PKIA: variants seen among roughly 807,000 people sequenced by gnomAD.
The protein encoded by PKIA is cAMP-dependent protein kinase inhibitor alpha.
PKIA carries 4 observed loss-of-function variants against 7.6 expected under a neutral mutation model. That is an observed-to-expected ratio of 0.52 (90% CI 0.26 to 1.20). The LOEUF is 1.20. PKIA is among the 50% of genes most tolerant of loss of function. PKIA has a pLI of 0.13. For missense variants in PKIA, 73 were observed against 86.2 expected, an observed-to-expected ratio of 0.85 and a Z score of 0.61; for synonymous variants, 21 against 30.7, an observed-to-expected ratio of 0.68 and a Z score of 1.04.
At chr8:78,589,809 T>C (rs2130246243) in intron 2 of PKIA, among the ~76,000 whole-genome samples, 1 of 152,352 alleles carries the variant, frequency 6.6e-6, no homozygotes, top group East Asian at 1.9e-4. Context: ...TTAATATTCA[T>C]GTGATGAAAT....
chr8:78,537,572 C>T (rs1806562163), intron 1 of PKIA, among the ~76,000 whole-genome samples: 1 of 150,256 alleles, frequency 6.7e-6, no homozygotes, highest in African/African-American at 2.5e-5. Flanking sequence ...ACTTTATTTC[C>T]CAACCCCCTC....
At chr8:78,567,962 C>T (rs1807457431) in intron 1 of PKIA, among the ~76,000 whole-genome samples, 1 of 152,212 alleles carries the variant, frequency 6.6e-6, no homozygotes, top group East Asian at 1.9e-4. Flanking sequence ...TGGTCTACTT[C>T]CATCTTTTAT....
At chr8:78,570,742 C>A (rs1336338209) in intron 1 of PKIA, among the ~76,000 whole-genome samples, 1 of 151,980 alleles carries the variant, frequency 6.6e-6, no homozygotes, top group African/African-American at 2.4e-5. Flanking sequence ...TTTTTTACAC[C>A]CCTCTAAGCA....
chr8:78,526,238 T>C (rs1809541389), intron 1 of PKIA, among the ~76,000 whole-genome samples: 1 of 152,032 alleles, frequency 6.6e-6, no homozygotes, highest in Non-Finnish European at 1.5e-5. Context: ...CAGGAGAGGT[T>C]GGGTCCACTG....
chr8:78,568,030 TG>T (rs1210064076), intron 1 of PKIA, among the ~76,000 whole-genome samples: 6 of 152,158 alleles, frequency 3.9e-5, no homozygotes, highest in Non-Finnish European at 8.8e-5. Context: ...GTTCCTTTAC[TG>T]GGGAGTGGTA....
intron 1 of PKIA, among the ~76,000 whole-genome samples, chr8:78,546,106 A>C (rs78810488): frequency 0.044 from 6,768 of 152,266 alleles, 447 homozygotes; most frequent in African/African-American, 0.14. Flanking sequence ...GAGTGAATGA[A>C]ATCCATGGCT....
At chr8:78,535,299 A>G (rs1806494081) in intron 1 of PKIA, 1 of 152,116 alleles carries the variant, frequency 6.6e-6, no homozygotes, top group African/African-American at 2.4e-5. Flanking sequence ...GTAAGTACCC[A>G]ATATAAAAAG....
chr8:78,599,309 A>C (rs1314086576), intron 3 of PKIA, among the ~76,000 whole-genome samples: 1 of 152,072 alleles, frequency 6.6e-6, no homozygotes, highest in African/African-American at 2.4e-5. Context: ...AAGTAAAAAG[A>C]ATTCATGATT....
chr8:78,533,862 A>T (rs932722006), intron 1 of PKIA: 1 of 152,138 alleles, frequency 6.6e-6, no homozygotes, highest in Non-Finnish European at 1.5e-5. Flanking sequence ...AAACAAACAA[A>T]CAAAAAGACA....
At chr8:78,562,329 T>C (rs955603592) in intron 1 of PKIA, among the ~76,000 whole-genome samples, 4 of 152,170 alleles carry the variant, frequency 2.6e-5, no homozygotes, top group African/African-American at 9.7e-5. Context: ...CCACACTTCA[T>C]AGAGTCACAG....
intron 1 of PKIA, among the ~76,000 whole-genome samples, chr8:78,571,236 G>A (rs1009645504): frequency 5.3e-5 from 8 of 151,698 alleles, no homozygotes; most frequent in Middle Eastern, 3.4e-3. Context: ...TTTAATAGAG[G>A]ACATTGTTAT....
At chr8:78,547,119 G>GT (rs1411975237) in intron 1 of PKIA, among the ~76,000 whole-genome samples, 4 of 144,976 alleles carry the variant, frequency 2.8e-5, no homozygotes, top group Admixed American at 6.8e-5. Context: ...TTGTTTGTTT[G>GT]TTTTTTTGTG....
intron 1 of PKIA, among the ~76,000 whole-genome samples, chr8:78,542,647 GGTTTC>G (rs1360569346): frequency 2.0e-5 from 3 of 151,930 alleles, no homozygotes; most frequent in Non-Finnish European, 1.5e-5. Context: ...CTGATTATTT[GGTTTC>G]ATTTTTCTTC....
At chr8:78,549,391 A>G (rs1181267060) in intron 1 of PKIA, among the ~76,000 whole-genome samples, 2 of 151,964 alleles carry the variant, frequency 1.3e-5, no homozygotes, top group Non-Finnish European at 2.9e-5. Flanking sequence ...AGGTGGCAAG[A>G]TGAACGTTTT....
Position 78,598,482 on chromosome 8 carries a change from G to T in PKIA, c.98G>T (p.Gly33Val). The T allele has an allele frequency of 6.2e-7, 1 of 1,611,588 alleles. No individual in the cohort carries two copies. The highest frequency in any genetic ancestry group is 8.5e-7 in the Non-Finnish European group (1 of 1,178,360). Residue 33 changes from glycine to valine, a missense_variant, in exon 3 of 4, where the codon GGC (glycine) becomes GTC (valine). Transcript: ENST00000396418. ...IHDILVSSASGNSNELALKLA... is the reference protein window; with the variant it reads ...IHDILVSSASVNSNELALKLA... ...GATATCCTGGTTTCCTCTGCAAGTG[G>T]CAACAGCAATGAATTAGCCTTGAAA...
At chr8:78,585,821 G>A (rs1199496929) in intron 2 of PKIA, among the ~76,000 whole-genome samples, 1 of 152,098 alleles carries the variant, frequency 6.6e-6, no homozygotes, top group East Asian at 1.9e-4. Context: ...TTTAATTAAT[G>A]CATTTTCATT....
At chr8:78,541,695 G>T (rs1489993335) in intron 1 of PKIA, among the ~76,000 whole-genome samples, 1 of 151,942 alleles carries the variant, frequency 6.6e-6, no homozygotes, top group Non-Finnish European at 1.5e-5. Flanking sequence ...GGTAATTAAA[G>T]TGTCAAAACC....
At chr8:78,546,017 G>C (rs1806812354) in intron 1 of PKIA, among the ~76,000 whole-genome samples, 1 of 152,136 alleles carries the variant, frequency 6.6e-6, no homozygotes, top group African/African-American at 2.4e-5. Context: ...TGTGAGCCCA[G>C]GTTTGCTAGA....
intron 2 of PKIA, among the ~76,000 whole-genome samples, chr8:78,588,310 G>A (rs1026312194): frequency 1.3e-5 from 2 of 151,902 alleles, no homozygotes; most frequent in Non-Finnish European, 1.5e-5. Flanking sequence ...GAGAAACCTC[G>A]TCTCTACTAA....
Sources: allele counts gnomAD v4.1 joint callset (sites outside exome capture counted in the v4.1 genomes callset), GRCh38; gene constraint gnomAD v4.1.1; transcripts MANE v1.5; gene names NCBI Gene and HGNC (gene_info 2026-07-23, HGNC 2026-07-21).